USP43: variants seen among roughly 807,000 people sequenced by gnomAD.
USP43 encodes the protein ubiquitin specific peptidase 43.
In USP43, 33 loss-of-function variants were observed where a neutral mutation model predicts 90.7. The observed-to-expected ratio is 0.36, with a 90% CI of 0.28 to 0.49. USP43 has a LOEUF of 0.49. Ranked by LOEUF, USP43 falls within the 20% of genes least tolerant of loss-of-function variation. The pLI, the probability that USP43 is intolerant of heterozygous loss-of-function variation, is 0.98. For synonymous variants in USP43, 598 were observed against 615.8 expected (o/e 0.97, Z 0.43); for missense variants, 1,274 against 1,476.4 (o/e 0.86, Z 2.25).
upstream of USP43, chr17:9,645,480 TGCCCCGCCCTTG>T: frequency 1.4e-6 from 1 of 697,654 alleles, no homozygotes; most frequent in Non-Finnish European, 1.9e-6. This position sits in a 1 kb window ranked among gnomAD's most constrained non-coding sequence, Gnocchi z 6.8. Context: ...GGGGCGGGGC[TGCCCCGCCCTTG>T]GCTCCGCCTC....
At chr17:9,663,300 C>CTT (rs67593846) in intron 2 of USP43, among the ~76,000 whole-genome samples, 2 of 141,340 alleles carry the variant, frequency 1.4e-5, no homozygotes, top group East Asian at 2.0e-4. Flanking sequence ...TTTGGATGTT[C>CTT]TTTTTTTTTT....
At chr17:9,707,075 A>G (rs947513028) in intron 12 of USP43, among the ~76,000 whole-genome samples, 2 of 152,042 alleles carry the variant, frequency 1.3e-5, no homozygotes, top group African/African-American at 4.8e-5. Flanking sequence ...TTTTGTTTTT[A>G]GTGGATTTTT....
intron 9 of USP43, among the ~76,000 whole-genome samples, chr17:9,697,666 C>CT (rs56661274): frequency 0.32 from 43,443 of 136,674 alleles, 7,893 homozygotes; most frequent in East Asian, 0.69. Context: ...AACAGGAATT[C>CT]TTTTTTTTTT....
At chr17:9,708,233 C>T (rs934988436) in intron 12 of USP43, among the ~76,000 whole-genome samples, 3 of 152,122 alleles carry the variant, frequency 2.0e-5, no homozygotes, top group Non-Finnish European at 4.4e-5. Context: ...CTCTAGGCCA[C>T]GGATGGGAGT....
At chr17:9,723,782 T>G (rs1245669472) in intron 14 of USP43, among the ~76,000 whole-genome samples, 1 of 151,684 alleles carries the variant, frequency 6.6e-6, no homozygotes, top group Non-Finnish European at 1.5e-5. Flanking sequence ...CGGGGTTTTG[T>G]ATTTTTAGTA....
At chr17:9,699,849 G>A (rs752576873) in intron 9 of USP43, among the ~76,000 whole-genome samples, 5 of 152,168 alleles carry the variant, frequency 3.3e-5, no homozygotes, top group Non-Finnish European at 5.9e-5. Flanking sequence ...TGGTCAAGTG[G>A]AAGTGCCCTA....
At chr17:9,717,866 A>T (rs1399572691) in intron 14 of USP43, among the ~76,000 whole-genome samples, 1 of 150,204 alleles carries the variant, frequency 6.7e-6, no homozygotes, top group African/African-American at 2.5e-5. Flanking sequence ...GGGCGATCTC[A>T]GCTCACTGCA....
At chr17:9,716,998 T>C (rs888848574) in intron 14 of USP43, among the ~76,000 whole-genome samples, 1 of 151,918 alleles carries the variant, frequency 6.6e-6, no homozygotes, top group South Asian at 2.1e-4. Flanking sequence ...TAGCTGGACA[T>C]GGTGGCGGGC....
Position 9,645,653 on chromosome 17 carries a change from C to G in USP43, c.21C>G (p.Asp7Glu). ...CAGCCATGGACCTGGGCCCCGGGGA[C>G]GCGGCAGGAGGGGGACCGCTCGCGC... Reference protein sequence around the residue: MDLGPGDAAGGGPLAPR... With the variant: MDLGPGEAAGGGPLAPR... Residue 7 changes from aspartate to glutamate, a missense_variant, in exon 1 of 15, where the codon GAC (aspartate) becomes GAG (glutamate). This residue lies in a region of USP43 where 112 missense variants were observed against 106.6 expected (regional missense o/e 1.05). Transcript: ENST00000285199. The surrounding 1 kb of genome is among the most constrained non-coding windows in gnomAD (Gnocchi z 6.8). 8.1e-7 allele frequency: 1 copy of G among 1,233,806 alleles called. No homozygotes were observed. Among genetic ancestry groups the G allele is most frequent in the Non-Finnish European group, 1.0e-6 (1 of 990,934 alleles). The allele number at this position is 1,233,806 out of a possible 1,614,324, so 76.4% of individuals were successfully genotyped here.
intron 6 of USP43, among the ~76,000 whole-genome samples, chr17:9,681,131 C>G (rs796521301): frequency 9.4e-5 from 6 of 63,942 alleles, no homozygotes; most frequent in East Asian, 1.6e-3. Flanking sequence ...ATAATATATA[C>G]TATATAATAT....
At chr17:9,710,938 A>G (rs1916157541) in intron 13 of USP43, among the ~76,000 whole-genome samples, 1 of 150,144 alleles carries the variant, frequency 6.7e-6, no homozygotes, top group African/African-American at 2.5e-5. Context: ...AAAAAAAAAA[A>G]TTAAGCAGAT....
Position 9,656,550 on chromosome 17 carries a change from A to AACCGACAC in USP43, c.636+18_636+19insCGACACAC. ...GTCGGAGAAGGTCGGTCACTCTCAA[A>AACCGACAC]ACAACACAATGTACTGGGTTTTCTT... On this transcript the variant is annotated intron_variant, in intron 2 of 14. Coordinates refer to ENST00000285199, the MANE Select transcript of USP43 (RefSeq NM_153210.5). 6.2e-7 allele frequency: 1 copy of AACCGACAC among 1,607,010 alleles called. No homozygotes were observed. The highest frequency in any genetic ancestry group is 8.5e-7 in the Non-Finnish European group (1 of 1,177,056).
intron 9 of USP43, among the ~76,000 whole-genome samples, chr17:9,698,502 A>T (rs1181065014): frequency 6.6e-6 from 1 of 152,188 alleles, no homozygotes; most frequent in Non-Finnish European, 1.5e-5. Context: ...TTAGCCTATC[A>T]GTCCCTTAAG....
intron 14 of USP43, among the ~76,000 whole-genome samples, chr17:9,715,706 T>C (rs1010594717): frequency 1.4e-5 from 2 of 142,342 alleles, no homozygotes; most frequent in African/African-American, 5.6e-5. Flanking sequence ...TGTCTGTGTG[T>C]GTCTCTGTGT....
intron 14 of USP43, among the ~76,000 whole-genome samples, chr17:9,713,960 A>G (rs1162227182): frequency 1.3e-5 from 2 of 152,102 alleles, no homozygotes; most frequent in Non-Finnish European, 2.9e-5. Context: ...ATTTTTACAC[A>G]CACTTGAGGT....
rs190844063 is a variant in USP43, at chr17:9,648,427, A to T, written c.504+2291A>T. On this transcript the variant is annotated intron_variant, in intron 1 of 14. Transcript: ENST00000285199. Reference sequence around the variant, plus strand: ...AACCCAGATTCTGGGGCTGCTCTCCAGGAGCTTATGGTCTAGAGGTAGAAA... The same window carrying T: ...AACCCAGATTCTGGGGCTGCTCTCCTGGAGCTTATGGTCTAGAGGTAGAAA... 2.0e-5 allele frequency among the ~76,000 whole-genome samples: 3 copies of T among 152,390 alleles called. No individual in the cohort carries two copies. In the East Asian group the frequency reaches 5.8e-4, roughly 29 times the overall value.
At chr17:9,715,397 G>T (rs1365297896) in intron 14 of USP43, among the ~76,000 whole-genome samples, 1 of 152,172 alleles carries the variant, frequency 6.6e-6, no homozygotes, top group Non-Finnish European at 1.5e-5. Flanking sequence ...GGGCTGCAGT[G>T]AGCTGTGAGC....
chr17:9,683,001 T>TGTA (rs754980192), intron 7 of USP43, 43 bp downstream of exon 7: 1 of 1,602,564 alleles, frequency 6.2e-7, no homozygotes, highest in East Asian at 2.2e-5. Context: ...GTCTGGGATT[T>TGTA]GTAGACCTGT....
chr17:9,651,463 A>G (rs576074527), intron 1 of USP43, among the ~76,000 whole-genome samples: 27 of 152,094 alleles, frequency 1.8e-4, no homozygotes, highest in African/African-American at 6.3e-4. Context: ...CAATGTTCTT[A>G]TGCATCTATC....
Sources: gnomAD v4.1 joint callset for allele counts (sites outside exome capture counted in the v4.1 genomes callset) on GRCh38, gnomAD v4.1.1 for gene constraint, gnomAD v4.1.1 regional missense constraint, Gnocchi (gnomAD v3.1) non-coding constraint, MANE v1.5 for transcripts, NCBI Gene and HGNC (gene_info 2026-07-23, HGNC 2026-07-21) for gene names.